The following MTHFD2L variants were observed in gnomAD, a reference collection of about 807,000 sequenced individuals.
The protein encoded by MTHFD2L is bifunctional methylenetetrahydrofolate dehydrogenase/cyclohydrolase 2, mitochondrial.
A neutral mutation model predicts 34.9 loss-of-function variants in MTHFD2L; 29 were observed. The ratio of observed to expected loss-of-function variants is 0.83; its 90% CI spans 0.62 to 1.13. The LOEUF (loss-of-function observed/expected upper bound fraction) is 1.13, where lower values mean the gene tolerates loss of function less well. Among genes scored for constraint, MTHFD2L ranks in the 50% most tolerant of loss-of-function variants. The probability of loss-of-function intolerance (pLI) is 0.00; values close to 1 mark genes in which losing one functional copy is unlikely to be tolerated. For synonymous variants in MTHFD2L, 167 were observed against 155.7 expected (o/e 1.07, Z -0.54); for missense variants, 481 against 446.5 (o/e 1.08, Z -0.70).
intron 6 of MTHFD2L, among the ~76,000 whole-genome samples, chr4:74,263,423 G>A (rs1744917692): frequency 6.6e-6 from 1 of 151,910 alleles, no homozygotes; most frequent in African/African-American, 2.4e-5. Context: ...GGGCAGTATG[G>A]CCATTTTAAT....
chr4:74,158,574 A>C (rs1724700975), intron 1 of MTHFD2L, among the ~76,000 whole-genome samples: 1 of 152,188 alleles, frequency 6.6e-6, no homozygotes, highest in African/African-American at 2.4e-5. Context: ...AAGAAAAGGT[A>C]GTATAAAAAC....
chr4:74,228,512 C>T lies in MTHFD2L; in HGVS notation c.805+3118C>T, dbSNP rs561876001. 2.6e-5 allele frequency among the ~76,000 whole-genome samples: 4 copies of T among 152,238 alleles called. 1 individual carries two copies. The South Asian group carries it at 8.3e-4, about 32-fold the overall frequency. On this transcript the variant is annotated intron_variant, in intron 6 of 7. Transcript: ENST00000325278. ...GTATTTTATTCTAGTGGAGGAAAAT[C>T]TCTCATCATGCCTTCCTACTCGTGG...
chr4:74,173,811 A>G (rs925228946), intron 1 of MTHFD2L, among the ~76,000 whole-genome samples: 3 of 152,192 alleles, frequency 2.0e-5, no homozygotes, highest in Non-Finnish European at 2.9e-5. Context: ...GATAATTTAT[A>G]TGAATACATA....
chr4:74,241,597 C>T (rs149898091), intron 6 of MTHFD2L: 2 of 447,058 alleles, frequency 4.5e-6, no homozygotes, highest in Non-Finnish European at 9.0e-6. Flanking sequence ...CAGGACCTCT[C>T]CAACTCCTGA....
intron 1 of MTHFD2L, among the ~76,000 whole-genome samples, chr4:74,148,064 CTTCG>C (rs1723704678): frequency 6.6e-6 from 1 of 152,036 alleles, no homozygotes; most frequent in South Asian, 2.1e-4. Flanking sequence ...AAGGGTCCAA[CTTCG>C]TTCTTTTGGT....
At chr4:74,290,014 G>T (rs1748676201) in intron 7 of MTHFD2L, among the ~76,000 whole-genome samples, 1 of 152,176 alleles carries the variant, frequency 6.6e-6, no homozygotes, top group Admixed American at 6.5e-5. Flanking sequence ...GCACTCAATA[G>T]CAGACCCAAC....
rs1750359363 is a variant in MTHFD2L at position 74,301,794 on chromosome 4, A to G, written c.1029A>G (p.Lys343=). 2 of 1,605,166 alleles carry G rather than the reference A, an allele frequency of 1.2e-6. No individual in the cohort carries two copies. Among genetic ancestry groups the G allele is most frequent in the East Asian group, 4.5e-5 (2 of 44,524 alleles). The change falls in exon 8 of 8, where the codon AAA becomes AAG. Residue 343 remains lysine, a synonymous_variant. Coordinates refer to ENST00000325278, the MANE Select transcript of MTHFD2L (RefSeq NM_001144978.3). The part of the protein sequence containing the change: ...MLLKNTLLAA[K]KIIY ...TGAAGAACACCCTTCTGGCAGCTAA[A>G]AAAATCATTTACTAGATCACATGAA...
chr4:74,123,035 T>C (rs1203562204), upstream of MTHFD2L, among the ~76,000 whole-genome samples: 4 of 152,172 alleles, frequency 2.6e-5, no homozygotes, highest in African/African-American at 9.7e-5. Context: ...CAAACAAAAA[T>C]AATCAAATTG....
chr4:74,296,722 T>G (rs1192050380), intron 7 of MTHFD2L, among the ~76,000 whole-genome samples: 2 of 152,088 alleles, frequency 1.3e-5, no homozygotes, highest in Non-Finnish European at 2.9e-5. Context: ...TGGTGCGTAT[T>G]GACAATGTGC....
At chr4:74,236,952 C>T (rs1411644318) in intron 6 of MTHFD2L, among the ~76,000 whole-genome samples, 1 of 151,848 alleles carries the variant, frequency 6.6e-6, no homozygotes, top group Non-Finnish European at 1.5e-5. Context: ...TGAAGTTGTA[C>T]TTTATAGTTG....
At chr4:74,218,321 G>A (rs1409401080) in intron 5 of MTHFD2L, among the ~76,000 whole-genome samples, 3 of 152,088 alleles carry the variant, frequency 2.0e-5, no homozygotes, top group Non-Finnish European at 4.4e-5. Flanking sequence ...ACAGAATCCA[G>A]AGTTGAAAGC....
At chr4:74,295,493 A>G (rs1490249461) in intron 7 of MTHFD2L, among the ~76,000 whole-genome samples, 1 of 152,114 alleles carries the variant, frequency 6.6e-6, no homozygotes, top group Admixed American at 6.6e-5. Context: ...TTTACTTTGT[A>G]ATTTTTGTGT....
At chr4:74,262,667 A>C (rs1482224551) in intron 6 of MTHFD2L, among the ~76,000 whole-genome samples, 1 of 151,990 alleles carries the variant, frequency 6.6e-6, no homozygotes, top group South Asian at 2.1e-4. Flanking sequence ...TTAAAGCAAA[A>C]CAAGACACTG....
intron 7 of MTHFD2L, among the ~76,000 whole-genome samples, chr4:74,287,056 G>A (rs1293081578): frequency 6.6e-6 from 1 of 152,112 alleles, no homozygotes; most frequent in Admixed American, 6.6e-5. Context: ...TCTTTGTAAA[G>A]GTGATAAGTC....
chr4:74,272,240 G>A (rs1024106666), intron 6 of MTHFD2L, among the ~76,000 whole-genome samples: 2 of 152,136 alleles, frequency 1.3e-5, no homozygotes, highest in Non-Finnish European at 2.9e-5. Flanking sequence ...TCACGGAGGA[G>A]GAAAGACTGT....
At chr4:74,185,181 C>CAAAAAAAAAAA (rs1730964644) in intron 3 of MTHFD2L, among the ~76,000 whole-genome samples, 5 of 109,288 alleles carry the variant, frequency 4.6e-5, no homozygotes, top group South Asian at 3.0e-4. Context: ...AAAAAAAAAT[C>CAAAAAAAAAAA]TGGAAAATCC....
chr4:74,150,479 G>A (rs1037311109), intron 1 of MTHFD2L, among the ~76,000 whole-genome samples: 1 of 152,114 alleles, frequency 6.6e-6, no homozygotes, highest in Non-Finnish European at 1.5e-5. Flanking sequence ...GTCTCAAACT[G>A]CCGACCTCGG....
At chr4:74,233,640 A>T (rs1740416948) in intron 6 of MTHFD2L, among the ~76,000 whole-genome samples, 1 of 152,156 alleles carries the variant, frequency 6.6e-6, no homozygotes, top group South Asian at 2.1e-4. Context: ...ACTTTCTAAT[A>T]CTTTGGTAAT....
intron 6 of MTHFD2L, among the ~76,000 whole-genome samples, chr4:74,273,954 A>C: frequency 6.6e-6 from 1 of 152,184 alleles, no homozygotes; most frequent in East Asian, 1.9e-4. Flanking sequence ...AAATTTTTCC[A>C]GAGTTTTCCA....
Sources: gnomAD v4.1 joint callset for allele counts (sites outside exome capture counted in the v4.1 genomes callset) on GRCh38, gnomAD v4.1.1 for gene constraint, MANE v1.5 for transcripts, NCBI Gene and HGNC (gene_info 2026-07-23, HGNC 2026-07-21) for gene names.